GSE1: variants seen among roughly 807,000 people sequenced by gnomAD.
The protein encoded by GSE1 is Gse1 coiled-coil protein.
A neutral mutation model predicts 112.6 loss-of-function variants in GSE1; 32 were observed. The ratio of observed to expected loss-of-function variants is 0.28; its 90% CI spans 0.21 to 0.38. GSE1 has a LOEUF of 0.38. GSE1 is among the 10% of genes least tolerant of loss of function. The pLI, the probability that GSE1 is intolerant of heterozygous loss-of-function variation, is 1.00. For synonymous variants in GSE1, 1,115 were observed against 735.6 expected (o/e 1.52, Z -8.35); for missense variants, 2,348 against 1,699.2 (o/e 1.38, Z -6.71).
chr16:85,637,102 G>C (rs556727262), intron 2 of GSE1, among the ~76,000 whole-genome samples: 130 of 152,348 alleles, frequency 8.5e-4, no homozygotes, highest in Non-Finnish European at 1.3e-3. Flanking sequence ...TTCCTACACA[G>C]TTGTGTGACC....
At chr16:85,595,461 C>T (rs569160766) in intron 1 of GSE1, 8 of 152,282 alleles carry the variant, frequency 5.3e-5, no homozygotes, top group African/African-American at 1.7e-4. Flanking sequence ...GCTGAGAACC[C>T]CTCAGGGCAG....
rs1204868496 is a variant in GSE1 at position 85,655,700 on chromosome 16, C to T, written c.798-26C>T. On this transcript the variant is annotated intron_variant, in intron 5 of 15. Coordinates refer to ENST00000253458, the MANE Select transcript of GSE1 (RefSeq NM_014615.5). Reference sequence around the variant, plus strand: ...GGTCTTCCCCTTGGTTCATTTGCTGCTCACAGCCCCGTCTTCTCTGCACAG... The same window carrying T: ...GGTCTTCCCCTTGGTTCATTTGCTGTTCACAGCCCCGTCTTCTCTGCACAG... The T allele has an allele frequency of 2.6e-6, 4 of 1,531,740 alleles. No homozygotes were observed. The African/African-American group carries it at 4.1e-5, about 16-fold the overall frequency. 94.9% of individuals were successfully genotyped at this position (1,531,740 alleles called of 1,614,324 possible). A position where few individuals can be genotyped will look rare whatever the true frequency, so the allele number is the denominator to read the frequency against.
intron 1 of GSE1, among the ~76,000 whole-genome samples, chr16:85,250,963 C>T (rs73251969): frequency 0.016 from 2,383 of 152,280 alleles, 47 homozygotes; most frequent in African/African-American, 0.054. Flanking sequence ...GCCTGGTTTC[C>T]GCAGTCATCC....
At chr16:85,670,058 G>A (rs2053204717) in intron 14 of GSE1, among the ~76,000 whole-genome samples, 1 of 152,210 alleles carries the variant, frequency 6.6e-6, no homozygotes, top group Non-Finnish European at 1.5e-5. Flanking sequence ...AGGCGTGGTT[G>A]GCATCCTTTT....
At chr16:85,569,757 A>G (rs114714971) in intron 1 of GSE1, among the ~76,000 whole-genome samples, 9,896 of 152,238 alleles carry the variant, frequency 0.065, 757 homozygotes, top group African/African-American at 0.16. Context: ...AGTTTACTAC[A>G]CTGTGGCCGT....
chr16:85,639,595 G>T (rs560489772), intron 2 of GSE1, among the ~76,000 whole-genome samples: 2 of 152,368 alleles, frequency 1.3e-5, no homozygotes, highest in African/African-American at 4.8e-5. Flanking sequence ...TGTTTGCCCC[G>T]AGGGTGCCCC....
intron 1 of GSE1, among the ~76,000 whole-genome samples, chr16:85,351,914 C>A (rs777519820): frequency 6.6e-6 from 1 of 152,034 alleles, no homozygotes; most frequent in Non-Finnish European, 1.5e-5. Flanking sequence ...TGCTTGAACC[C>A]GGGAGGCAAA....
intron 2 of GSE1, among the ~76,000 whole-genome samples, chr16:85,491,595 C>A (rs1037063725): frequency 1.3e-5 from 2 of 152,212 alleles, no homozygotes; most frequent in African/African-American, 4.8e-5. Context: ...GGCTGTGTGG[C>A]AGCTGGAAGG....
At chr16:85,533,801 G>T (rs144876717) in intron 2 of GSE1, among the ~76,000 whole-genome samples, 1,634 of 152,152 alleles carry the variant, frequency 0.011, 15 homozygotes, top group Middle Eastern at 0.037. Flanking sequence ...GGAGGTGGAG[G>T]CTGCAGTGAG....
chr16:85,248,521 CCT>C (rs60595401), intron 1 of GSE1, among the ~76,000 whole-genome samples: 320 of 147,038 alleles, frequency 2.2e-3, no homozygotes, highest in Non-Finnish European at 2.4e-3. Context: ...TCCCTCTTTG[CCT>C]CTCTCTCTCT....
At chr16:85,274,986 G>C (rs1909213454) in intron 1 of GSE1, among the ~76,000 whole-genome samples, 1 of 152,198 alleles carries the variant, frequency 6.6e-6, no homozygotes, top group African/African-American at 2.4e-5. Flanking sequence ...CAGCCTTGAG[G>C]CTCAAAGCGT....
intron 1 of GSE1, among the ~76,000 whole-genome samples, chr16:85,265,116 C>T (rs890022007): frequency 6.6e-5 from 10 of 152,280 alleles, no homozygotes; most frequent in Non-Finnish European, 1.3e-4. Flanking sequence ...CGCTTCCCTG[C>T]ATTGGTGAGT....
intron 2 of GSE1, among the ~76,000 whole-genome samples, chr16:85,437,815 G>C (rs1371165127): frequency 6.6e-6 from 1 of 152,180 alleles, no homozygotes; most frequent in Non-Finnish European, 1.5e-5. Context: ...ATGTTCAGTG[G>C]TTGGACCGGC....
chr16:85,349,253 G>A (rs1308896167), intron 1 of GSE1, among the ~76,000 whole-genome samples: 1 of 152,132 alleles, frequency 6.6e-6, no homozygotes, highest in Non-Finnish European at 1.5e-5. Flanking sequence ...CTTTATTGCA[G>A]TATTTGGAGC....
rs548175223 is a variant in GSE1, at chr16:85,209,355, G to A, written c.2283+37548G>A. 2.0e-3 allele frequency among the ~76,000 whole-genome samples: 305 copies of A among 152,280 alleles called. 3 individuals are homozygous for A. The highest frequency in any genetic ancestry group is 2.2e-3 in the Non-Finnish European group (151 of 68,026). On this transcript the variant is annotated intron_variant, in intron 1 of 2. Transcript: ENST00000637419. Reference sequence around the variant, plus strand: ...CTCCGTCCTTGTTCGTGACCTCGATGTGCACCTCCTGGCTGTCAGTGCCTG... The same window carrying A: ...CTCCGTCCTTGTTCGTGACCTCGATATGCACCTCCTGGCTGTCAGTGCCTG...
At chr16:85,468,211 A>G (rs2050179357) in intron 2 of GSE1, among the ~76,000 whole-genome samples, 3 of 151,998 alleles carry the variant, frequency 2.0e-5, no homozygotes. Flanking sequence ...AGGAACAGGG[A>G]ATATTCGAGA....
chr16:85,310,290 A>G (rs1486202380), intron 1 of GSE1, among the ~76,000 whole-genome samples: 1 of 152,230 alleles, frequency 6.6e-6, no homozygotes, highest in Non-Finnish European at 1.5e-5. Context: ...AAATGGGAAC[A>G]GTCGCTGTGG....
At chr16:85,382,179 C>G (rs769051586) in intron 2 of GSE1, among the ~76,000 whole-genome samples, 2 of 152,142 alleles carry the variant, frequency 1.3e-5, no homozygotes, top group South Asian at 4.1e-4. Flanking sequence ...TGCTGGGGCC[C>G]GGGGCTCGCT....
intron 1 of GSE1, among the ~76,000 whole-genome samples, chr16:85,352,492 T>A (rs1454841979): frequency 6.6e-6 from 1 of 152,106 alleles, no homozygotes; most frequent in Non-Finnish European, 1.5e-5. Flanking sequence ...TGGGGGATGC[T>A]GACATCACAG....
Sources: allele counts gnomAD v4.1 joint callset (sites outside exome capture counted in the v4.1 genomes callset), GRCh38; gene constraint gnomAD v4.1.1; transcripts MANE v1.5; gene names NCBI Gene and HGNC (gene_info 2026-07-23, HGNC 2026-07-21).